The following DRC11 variants were observed in gnomAD, a reference collection of about 807,000 sequenced individuals.
The protein encoded by DRC11 is IQ and AAA domain-containing protein 1.
chr2:236,332,804 T>C, the DRC11 span: 3 of 152,240 alleles, frequency 2.0e-5, no homozygotes, highest in African/African-American at 4.8e-5. The surrounding 1 kb of genome is among the most constrained non-coding windows in gnomAD (Gnocchi z 5.1). Context: ...TGTCCTCTTT[T>C]GGGGGGTCCT....
the DRC11 span, among the ~76,000 whole-genome samples, chr2:236,306,923 T>A: frequency 2.6e-5 from 4 of 152,208 alleles, no homozygotes; most frequent in Non-Finnish European, 4.4e-5. This position sits in a 1 kb window ranked among gnomAD's most constrained non-coding sequence, Gnocchi z 5.9. Flanking sequence ...AAAGAGGTTA[T>A]GTCCGTCCCA....
the DRC11 span, among the ~76,000 whole-genome samples, chr2:236,493,165 A>AAGGGGT: frequency 2.0e-5 from 3 of 151,788 alleles, no homozygotes; most frequent in Non-Finnish European, 4.4e-5. Context: ...GTGCAGGGAA[A>AAGGGGT]CTCCCCTTTA....
the DRC11 span, among the ~76,000 whole-genome samples, chr2:236,355,094 G>A: frequency 2.0e-5 from 3 of 152,200 alleles, no homozygotes; most frequent in African/African-American, 2.4e-5. Context: ...GGCCCCTCCC[G>A]GGTGTCTGGT....
the DRC11 span, among the ~76,000 whole-genome samples, chr2:236,466,455 C>T: frequency 6.6e-6 from 1 of 152,150 alleles, no homozygotes; most frequent in Non-Finnish European, 1.5e-5. Flanking sequence ...TAAAAGAATA[C>T]TGGAGGGTGG....
the DRC11 span, chr2:236,408,618 C>T: frequency 1.4e-6 from 1 of 725,118 alleles, no homozygotes; most frequent in Non-Finnish European, 2.6e-6. The surrounding 1 kb of genome is among the most constrained non-coding windows in gnomAD (Gnocchi z 5.5). Context: ...CTTCTTCATG[C>T]TGCTGAAGTC....
At chr2:236,494,255 A>G in the DRC11 span, among the ~76,000 whole-genome samples, 2 of 152,212 alleles carry the variant, frequency 1.3e-5, no homozygotes, top group Non-Finnish European at 2.9e-5. This position sits in a 1 kb window ranked among gnomAD's most constrained non-coding sequence, Gnocchi z 4.2. Context: ...AGCTGTAGAG[A>G]TCTTTGAATT....
chr2:236,416,648 G>A, the DRC11 span, among the ~76,000 whole-genome samples: 4 of 146,904 alleles, frequency 2.7e-5, no homozygotes, highest in East Asian at 8.3e-4. Flanking sequence ...GCCTTCAGTC[G>A]GCCAGCCGCA....
the DRC11 span, among the ~76,000 whole-genome samples, chr2:236,325,772 T>C: frequency 6.6e-6 from 1 of 152,102 alleles, no homozygotes; most frequent in African/African-American, 2.4e-5. The surrounding 1 kb of genome is among the most constrained non-coding windows in gnomAD (Gnocchi z 4.4). Context: ...CCAGCTAATT[T>C]TTGTATTTTT....
At chr2:236,354,352 T>G in the DRC11 span, among the ~76,000 whole-genome samples, 28,470 of 151,874 alleles carry the variant, frequency 0.19, 2,876 homozygotes, top group Non-Finnish European at 0.23. Context: ...TGTGTGTGTG[T>G]GGGGGGCAGG....
the DRC11 span, among the ~76,000 whole-genome samples, chr2:236,395,546 C>T: frequency 6.6e-6 from 1 of 152,196 alleles, no homozygotes; most frequent in South Asian, 2.1e-4. Context: ...ACGACTCCTG[C>T]ATTTGAAGTG....
chr2:236,462,603 G>A, the DRC11 span, among the ~76,000 whole-genome samples: 6 of 152,046 alleles, frequency 3.9e-5, no homozygotes, highest in African/African-American at 9.7e-5. The surrounding 1 kb of genome is among the most constrained non-coding windows in gnomAD (Gnocchi z 6.4). Context: ...CTTGGGCGGC[G>A]GAGGTTGCAG....
At chr2:236,307,959 TCGTGTGCTTG>T in the DRC11 span, among the ~76,000 whole-genome samples, 3 of 145,962 alleles carry the variant, frequency 2.1e-5, no homozygotes, top group African/African-American at 8.3e-5. The surrounding 1 kb of genome is among the most constrained non-coding windows in gnomAD (Gnocchi z 7.0). Context: ...ACAAGCGTCC[TCGTGTGCTTG>T]CAGTGACACA....
chr2:236,421,221 G>A, the DRC11 span, among the ~76,000 whole-genome samples: 1 of 152,110 alleles, frequency 6.6e-6, no homozygotes, highest in Non-Finnish European at 1.5e-5. Context: ...GAGCAGAACT[G>A]AAGGAAATAG....
chr2:236,359,645 C>G, the DRC11 span, among the ~76,000 whole-genome samples: 1 of 152,200 alleles, frequency 6.6e-6, no homozygotes, highest in Non-Finnish European at 1.5e-5. The surrounding 1 kb of genome is among the most constrained non-coding windows in gnomAD (Gnocchi z 4.3). Flanking sequence ...CTGCAGCTCA[C>G]ACGGCACAGT....
At chr2:236,325,348 A>C in the DRC11 span, among the ~76,000 whole-genome samples, 27 of 152,328 alleles carry the variant, frequency 1.8e-4, no homozygotes, top group African/African-American at 6.5e-4. The surrounding 1 kb of genome is among the most constrained non-coding windows in gnomAD (Gnocchi z 4.4). Context: ...GCAGGATTAT[A>C]TTACATGTTA....
chr2:236,460,274 C>T, the DRC11 span, among the ~76,000 whole-genome samples: 1 of 152,078 alleles, frequency 6.6e-6, no homozygotes, highest in African/African-American at 2.4e-5. This position sits in a 1 kb window ranked among gnomAD's most constrained non-coding sequence, Gnocchi z 4.0. Context: ...TCAAGGACAC[C>T]AGATAAAGTG....
the DRC11 span, among the ~76,000 whole-genome samples, chr2:236,342,842 C>T: frequency 2.0e-5 from 3 of 152,102 alleles, no homozygotes; most frequent in Non-Finnish European, 4.4e-5. The surrounding 1 kb of genome is among the most constrained non-coding windows in gnomAD (Gnocchi z 5.8). Flanking sequence ...GGCTTGCAGT[C>T]CCCTAGGACT....
chr2:236,449,999 G>C, the DRC11 span, among the ~76,000 whole-genome samples: 3 of 152,250 alleles, frequency 2.0e-5, no homozygotes, highest in Admixed American at 2.0e-4. The surrounding 1 kb of genome is among the most constrained non-coding windows in gnomAD (Gnocchi z 5.1). Flanking sequence ...CTGTCCACCT[G>C]GATTAGCTTG....
At chr2:236,442,395 T>C in the DRC11 span, among the ~76,000 whole-genome samples, 1 of 152,174 alleles carries the variant, frequency 6.6e-6, no homozygotes, top group Non-Finnish European at 1.5e-5. Context: ...TGGCCTCAAA[T>C]GGAAGAGTAC....
Sources: gnomAD v4.1 joint callset for allele counts (sites outside exome capture counted in the v4.1 genomes callset) on GRCh38, gnomAD v4.1.1 for gene constraint, Gnocchi (gnomAD v3.1) non-coding constraint, MANE v1.5 for transcripts, NCBI Gene and HGNC (gene_info 2026-07-23, HGNC 2026-07-21) for gene names.